KLF10: variants seen among roughly 807,000 people sequenced by gnomAD.
KLF10 encodes KLF transcription factor 10, also known as Krueppel-like factor 10.
KLF10 carries 17 observed loss-of-function variants against 31.6 expected under a neutral mutation model. The ratio of observed to expected loss-of-function variants is 0.54; its 90% CI spans 0.37 to 0.81. The LOEUF (loss-of-function observed/expected upper bound fraction) is 0.81, where lower values mean the gene tolerates loss of function less well. Ranked by LOEUF, KLF10 falls within the 30% of genes least tolerant of loss-of-function variation. The probability of loss-of-function intolerance (pLI) is 0.00; values close to 1 mark genes in which losing one functional copy is unlikely to be tolerated. For synonymous variants in KLF10, 239 were observed against 215.1 expected, an observed-to-expected ratio of 1.11 and a Z score of -0.97; for missense variants, 525 against 598.1, an observed-to-expected ratio of 0.88 and a Z score of 1.27.
chr8:102,652,407 C>A lies in KLF10; in HGVS notation c.37-10G>T. 5 of 1,488,166 alleles carry A rather than the reference C, an allele frequency of 3.4e-6. No individual in the cohort carries two copies. Among genetic ancestry groups the A allele is most frequent in the Non-Finnish European group, 4.6e-6 (5 of 1,095,644 alleles). 92.2% of individuals were successfully genotyped at this position (1,488,166 alleles called of 1,614,324 possible). On this transcript the variant is annotated splice_polypyrimidine_tract_variant and intron_variant, in intron 1 of 3. Coordinates refer to ENST00000285407, the MANE Select transcript of KLF10 (RefSeq NM_005655.4). The stretch of plus-strand genomic sequence containing the variant: ...TTTCCATTCTTTCCTCCTATAAAAA[C>A]AAAAGAGGAAAGCTTATAAGCATAT...
chr8:102,650,849 A>G (rs940953365), intron 3 of KLF10, among the ~76,000 whole-genome samples: 6 of 152,250 alleles, frequency 3.9e-5, no homozygotes, highest in African/African-American at 1.4e-4. Context: ...AAAGCACATC[A>G]ATAAAGTATT....
At chr8:102,653,720 T>C in intron 1 of KLF10, 4 of 1,196,810 alleles carry the variant, frequency 3.3e-6, no homozygotes, top group Non-Finnish European at 4.1e-6. Context: ...CGCGCGTGTG[T>C]GTAACAGCCC....
rs1827161858 is a variant in KLF10, at chr8:102,649,770, GA to G, written c.*361del. 4.2e-6 allele frequency: 1 copy of G among 236,086 alleles called. No homozygotes were observed. Among genetic ancestry groups the G allele is most frequent in the Non-Finnish European group, 8.4e-6 (1 of 119,572 alleles). The allele number at this position is 236,086 out of a possible 1,614,324, so 14.6% of individuals were successfully genotyped here. A position where few individuals can be genotyped will look rare whatever the true frequency, so the allele number is the denominator to read the frequency against. On this transcript the variant is annotated 3_prime_UTR_variant, in exon 4 of 4. Coordinates refer to ENST00000285407, the MANE Select transcript of KLF10 (RefSeq NM_005655.4). ...TATTCTTGAAACCAGTGCTTTAGAAGAATCACATTGAAAAGTTGGTCTCAAG... is the reference window on the plus strand; with the variant it reads ...TATTCTTGAAACCAGTGCTTTAGAAGATCACATTGAAAAGTTGGTCTCAAG...
intron 1 of KLF10, chr8:102,653,446 C>G (rs1264477973): frequency 2.0e-6 from 3 of 1,533,902 alleles, no homozygotes; most frequent in Non-Finnish European, 2.6e-6. Flanking sequence ...TTGAACTACG[C>G]TAAAAAAAAA....
In KLF10 at chr8:102,649,767, G is replaced by A. The variant is rs940576381; in HGVS notation, c.*365C>T. ...CCATATTCTTGAAACCAGTGCTTTA[G>A]AAGAATCACATTGAAAAGTTGGTCT... On this transcript the variant is annotated 3_prime_UTR_variant, in exon 4 of 4. Transcript: ENST00000285407. 1 of 233,810 alleles carries A rather than the reference G, an allele frequency of 4.3e-6. No individual in the cohort carries two copies. The highest frequency in any genetic ancestry group is 2.2e-5 in the African/African-American group (1 of 44,504). The allele number at this position is 233,810 out of a possible 1,614,324, so 14.5% of individuals were successfully genotyped here.
At chr8:102,654,757 C>A (rs916528772) in intron 1 of KLF10, among the ~76,000 whole-genome samples, 1 of 151,766 alleles carries the variant, frequency 6.6e-6, no homozygotes, top group South Asian at 2.1e-4. Flanking sequence ...CCGCGTCTCG[C>A]GGCCCAGCTC....
rs764167803 is a variant in KLF10, at chr8:102,652,383, T to A, written c.51A>T (p.Glu17Asp). ...TCTCTTTTGGCCTTTCAGAAATCAT[T>A]TCCATTCTTTCCTCCTATAAAAACA... Reference protein sequence around the residue: ...SLQQTAEERMEMISERPKESM... With the variant: ...SLQQTAEERMDMISERPKESM... Residue 17 changes from glutamate (E) to aspartate (D), a missense_variant, in exon 2 of 4, where the codon GAA becomes GAT. By Grantham distance (45) the Glu-to-Asp change is conservative. This residue lies in a region of KLF10 where 434 missense variants were observed against 450.7 expected (regional missense o/e 0.96). Transcript: ENST00000285407. The A allele has an allele frequency of 6.4e-7, 1 of 1,572,444 alleles. No individual in the cohort carries two copies. Among genetic ancestry groups the A allele is most frequent in the Non-Finnish European group, 8.7e-7 (1 of 1,152,768 alleles).
At chr8:102,652,464 G>A (rs963242630) in intron 1 of KLF10, 67 bp from the exon 2 acceptor site, 10 of 734,992 alleles carry the variant, frequency 1.4e-5, no homozygotes, top group Non-Finnish European at 1.8e-5. Context: ...ACAGAAAAAT[G>A]AGCAAATTTT....
intron 1 of KLF10, among the ~76,000 whole-genome samples, chr8:102,654,628 C>T (rs1185608745): frequency 6.6e-6 from 1 of 152,046 alleles, no homozygotes; most frequent in African/African-American, 2.4e-5. Flanking sequence ...CCGTCTCTCC[C>T]TGTAGACGCG....
chr8:102,650,421 T>C (rs1827177609), intron 3 of KLF10, 30 bp from the exon 4 acceptor site: 6 of 1,593,644 alleles, frequency 3.8e-6, no homozygotes, highest in African/African-American at 1.3e-5. Flanking sequence ...ATCATTATTA[T>C]GCATAAGATT....
Position 102,655,565 on chromosome 8 carries a change from C to T in KLF10, c.36+1G>A, listed in dbSNP as rs150382560. ...CACAGGGGCATCCCCAAATGACTTACCGCAGTCTGCTGGAGAGAGGCACCG... is the reference window on the plus strand; with the variant it reads ...CACAGGGGCATCCCCAAATGACTTATCGCAGTCTGCTGGAGAGAGGCACCG... On this transcript the variant is annotated splice_donor_variant, in intron 1 of 3. Coordinates refer to ENST00000285407, the MANE Select transcript of KLF10 (RefSeq NM_005655.4). LOFTEE classifies it high-confidence loss of function. 6.2e-7 allele frequency: 1 copy of T among 1,614,154 alleles called. No individual in the cohort carries two copies.
At chr8:102,651,115 T>C (rs769820863) in intron 3 of KLF10, 34 bp downstream of exon 3, 26 of 1,479,718 alleles carry the variant, frequency 1.8e-5, no homozygotes, top group African/African-American at 2.8e-5. Flanking sequence ...AATCTCTTCA[T>C]TTAAACACTA....
At chr8:102,655,420 G>T in intron 1 of KLF10, 146 bp downstream of exon 1, 1 of 1,017,314 alleles carries the variant, frequency 9.8e-7, no homozygotes, top group Non-Finnish European at 1.5e-6. Context: ...ATAGTCTGCA[G>T]GCAGGAAGCC....
rs1827162282 is a variant in KLF10 at position 102,649,787 on chromosome 8, T to G, written c.*345A>C. On this transcript the variant is annotated 3_prime_UTR_variant, in exon 4 of 4. Coordinates refer to ENST00000285407, the MANE Select transcript of KLF10 (RefSeq NM_005655.4). ...CTTTAGAAGAATCACATTGAAAAGT[T>G]GGTCTCAAGTATAAACAGCAAAAGT... is the stretch of plus-strand genomic sequence containing the variant. 1 of 254,046 alleles carries G rather than the reference T, an allele frequency of 3.9e-6. No individual in the cohort carries two copies. Among genetic ancestry groups the G allele is most frequent in the East Asian group, 8.6e-5 (1 of 11,600 alleles). 15.7% of individuals were successfully genotyped at this position (254,046 alleles called of 1,614,324 possible).
intron 1 of KLF10, 49 bp from the exon 2 acceptor site, chr8:102,652,446 A>G (rs912853492): frequency 3.6e-6 from 4 of 1,113,902 alleles, no homozygotes; most frequent in Non-Finnish European, 5.0e-6. Flanking sequence ...TTGTCATCCA[A>G]ATGACACACA....
chr8:102,653,788 T>C (rs1047227492), intron 1 of KLF10: 76 of 1,069,958 alleles, frequency 7.1e-5, no homozygotes, highest in Non-Finnish European at 8.4e-5. Context: ...AAAGAGAGCG[T>C]GAGCTGGGAA....
At chr8:102,654,217 CCCGCCCGCGCCCGACCCGGGGGAGGGG>C (rs1827301463) in intron 1 of KLF10, 1 of 148,308 alleles carries the variant, frequency 6.7e-6, no homozygotes, top group South Asian at 2.1e-4. Context: ...CTTGCGGGCC[CCCGCCCGCGCCCGACCCGGGGGAGGGG>C]CCGCGGGCGC....
intron 3 of KLF10, 140 bp from the exon 4 acceptor site, chr8:102,650,531 T>G: frequency 1.1e-6 from 1 of 900,886 alleles, no homozygotes; most frequent in Non-Finnish European, 1.6e-6. Flanking sequence ...ATATGAGATA[T>G]GTATTGCTCC....
intron 3 of KLF10, among the ~76,000 whole-genome samples, chr8:102,650,599 A>C (rs1302927460): frequency 6.6e-6 from 1 of 152,214 alleles, no homozygotes; most frequent in African/African-American, 2.4e-5. Flanking sequence ...GAAATAAGGC[A>C]GCCGGGTGGA....
Sources: allele counts gnomAD v4.1 joint callset (sites outside exome capture counted in the v4.1 genomes callset), GRCh38; gene constraint gnomAD v4.1.1; regional missense constraint gnomAD v4.1.1; transcripts MANE v1.5; gene names NCBI Gene and HGNC (gene_info 2026-07-23, HGNC 2026-07-21).